Variants in OR51M1 observed in about 807,000 individuals in gnomAD.
OR51M1 encodes olfactory receptor 51M1.
For synonymous variants in OR51M1, 199 were observed against 155.1 expected, an observed-to-expected ratio of 1.28 and a Z score of -2.10; for missense variants, 509 against 404.4, an observed-to-expected ratio of 1.26 and a Z score of -2.22.
Position 5,389,575 on chromosome 11 carries a change from C to G in OR51M1, c.177C>G (p.Ile59Met). 6.2e-7 allele frequency: 1 copy of G among 1,613,838 alleles called. No homozygotes were observed. Among genetic ancestry groups the G allele is most frequent in the Middle Eastern group, 1.6e-4 (1 of 6,062 alleles). The part of the protein sequence containing the change: ...VAISGNCFIL[I>M]IIKTNPRLHT... ...TCTCAGGCAATTGTTTCATTCTGAT[C>G]ATTATTAAGACCAACCCTCGTCTGC... Residue 59 changes from isoleucine to methionine, a missense_variant, in exon 3 of 3, where the codon ATC (isoleucine) becomes ATG (methionine). By Grantham distance (10) the Ile-to-Met change is conservative. Transcript: ENST00000642046.
At chr11:5,388,658 G>C (rs1849740819) in intron 2 of OR51M1, among the ~76,000 whole-genome samples, 1 of 151,070 alleles carries the variant, frequency 6.6e-6, no homozygotes, top group Admixed American at 6.6e-5. Flanking sequence ...AAATAAGGTA[G>C]GGTCTTGAAT....
chr11:5,389,260 G>T, intron 2 of OR51M1, 124 bp from the exon 3 acceptor site: 1 of 828,116 alleles, frequency 1.2e-6, no homozygotes, highest in Non-Finnish European at 1.9e-6. Flanking sequence ...TAGTGAGATT[G>T]GCAGAATTCA....
rs1230291804 is a variant in OR51M1, at chr11:5,389,627, T to C, written c.229T>C (p.Leu77=). Residue 77 remains leucine (L), a synonymous_variant, in exon 3 of 3, where the codon TTG becomes CTG. Transcript: ENST00000642046. ...CACACCCATGTACTATCTACTATCC[T>C]TGCTGGCCCTCACTGACCTGGGGCT... ...LHTPMYYLLS[L]LALTDLGLCV... The C allele has an allele frequency of 3.1e-6, 5 of 1,613,636 alleles. No homozygotes were observed. The highest frequency in any genetic ancestry group is 4.2e-6 in the Non-Finnish European group (5 of 1,179,890).
At position 5,389,372 on chromosome 11, in the gene OR51M1, A is replaced by T. The variant is rs372112594; in HGVS notation, c.-15-12A>T. ...GAAGAATTAATAACCAGAAATATCCATTTATTTTCAGCTCAATCCCCGAGG... is the reference window on the plus strand; with the variant it reads ...GAAGAATTAATAACCAGAAATATCCTTTTATTTTCAGCTCAATCCCCGAGG... On this transcript the variant is annotated splice_polypyrimidine_tract_variant and intron_variant, in intron 2 of 2. Coordinates refer to ENST00000642046, the MANE Select transcript of OR51M1 (RefSeq NM_001004756.3). 1.2e-6 allele frequency: 2 copies of T among 1,600,442 alleles called. 1 individual carries two copies. The highest frequency in any genetic ancestry group is 1.7e-6 in the Non-Finnish European group (2 of 1,171,714).
At chr11:5,385,109 T>A (rs1242732400) in intron 1 of OR51M1, among the ~76,000 whole-genome samples, 2 of 152,206 alleles carry the variant, frequency 1.3e-5, no homozygotes, top group African/African-American at 4.8e-5. Flanking sequence ...TTTTCAGGAA[T>A]TTTCTCCTGT....
intron 2 of OR51M1, among the ~76,000 whole-genome samples, chr11:5,388,031 C>A (rs565228967): frequency 1.3e-5 from 2 of 151,932 alleles, no homozygotes; most frequent in African/African-American, 2.4e-5. Context: ...TTGCACCAAC[C>A]TAATAGAATT....
At position 5,389,731 on chromosome 11, in the gene OR51M1, C is replaced by A; in HGVS notation, c.333C>A (p.Ile111=). 6.2e-7 allele frequency: 1 copy of A among 1,613,934 alleles called. No individual in the cohort carries two copies. The highest frequency in any genetic ancestry group is 8.5e-7 in the Non-Finnish European group (1 of 1,179,898). Reference sequence around the variant, plus strand: ...GTATCTACTTTGGAGCGTGTCAAATCCAGATGTTCTGCATCCACTCTTTTT... The same window carrying A: ...GTATCTACTTTGGAGCGTGTCAAATACAGATGTTCTGCATCCACTCTTTTT... ...SHSIYFGACQ[I]QMFCIHSFSF... is the part of the protein sequence containing the mutation. The change falls in exon 3 of 3, where the codon ATC becomes ATA. Residue 111 remains isoleucine (I), a synonymous_variant. Transcript: ENST00000642046.
chr11:5,389,657 G>GCCCACCACTATGGGGT lies in OR51M1; in HGVS notation c.259_260insCCCACCACTATGGGGT (p.Val87AlafsTer19). On this transcript the variant is annotated frameshift_variant, in exon 3 of 3. Transcript: ENST00000642046. LOFTEE classifies it low-confidence loss of function (END_TRUNC). ...GGCCCTCACTGACCTGGGGCTGTGT[G>GCCCACCACTATGGGGT]TGTCCACGTTGCCCACCACTATGGG... 6.2e-7 allele frequency: 1 copy of GCCCACCACTATGGGGT among 1,613,636 alleles called. No individual in the cohort carries two copies. The highest frequency in any genetic ancestry group is 8.5e-7 in the Non-Finnish European group (1 of 1,179,906).
In OR51M1 at chr11:5,390,999, T is replaced by C. The variant is rs1849786657; in HGVS notation, c.*620T>C. The C allele has an allele frequency of 6.6e-6, 1 of 152,326 alleles. No homozygotes were observed. Among genetic ancestry groups the C allele is most frequent in the African/African-American group, 2.4e-5 (1 of 41,466 alleles). 9.4% of individuals were successfully genotyped at this position (152,326 alleles called of 1,614,324 possible). A position where few individuals can be genotyped will look rare whatever the true frequency, so the allele number is the denominator to read the frequency against. ...CCTCTAGAAGAAGAGACTTTGATCC[T>C]ATCCTTGACTCCTCTCATCTCTGAT... On this transcript the variant is annotated 3_prime_UTR_variant, in exon 3 of 3. Transcript: ENST00000642046.
At position 5,389,484 on chromosome 11, in the gene OR51M1, T is replaced by G. The variant is rs1849755669; in HGVS notation, c.86T>G (p.Phe29Cys). Residue 29 changes from phenylalanine (F) to cysteine (C), a missense_variant, in exon 3 of 3, where the codon TTT becomes TGT. By Grantham distance (205) the Phe-to-Cys change is radical. Transcript: ENST00000642046. ...AGCCCCATATTCTATCTCACCAGCT[T>G]TCCTGGATTGGAAGGCATCAAACAC... ...QFSPIFYLTSFPGLEGIKHWI... is the reference protein window; with the variant it reads ...QFSPIFYLTSCPGLEGIKHWI... 1 of 1,613,904 alleles carries G rather than the reference T, an allele frequency of 6.2e-7. No individual in the cohort carries two copies. Among genetic ancestry groups the G allele is most frequent in the Non-Finnish European group, 8.5e-7 (1 of 1,179,890 alleles).
Position 5,392,958 on chromosome 11 carries a change from A to G in OR51M1, c.*2579A>G, listed in dbSNP as rs1849819500. On this transcript the variant is annotated 3_prime_UTR_variant, in exon 3 of 3. Coordinates refer to ENST00000642046, the MANE Select transcript of OR51M1 (RefSeq NM_001004756.3). ...TAAATAAATATCTGTGCTGTTAAGT[A>G]TGTGGTAAAAGAGGTATTTTCACAT... 2 of 152,252 alleles carry G rather than the reference A, an allele frequency of 1.3e-5. No individual in the cohort carries two copies. Among genetic ancestry groups the G allele is most frequent in the African/African-American group, 2.4e-5 (1 of 41,466 alleles). 9.4% of individuals were successfully genotyped at this position (152,252 alleles called of 1,614,324 possible). A position where few individuals can be genotyped will look rare whatever the true frequency, so the allele number is the denominator to read the frequency against.
chr11:5,383,981 G>C (rs1244721370), intron 1 of OR51M1, 64 bp downstream of exon 1: 1 of 152,176 alleles, frequency 6.6e-6, no homozygotes, highest in Non-Finnish European at 1.5e-5. Context: ...ACATGGGAGA[G>C]AGGAGGGAGA....
At position 5,392,421 on chromosome 11, in the gene OR51M1, G is replaced by C. The variant is rs1360846099; in HGVS notation, c.*2042G>C. 1 of 152,164 alleles carries C rather than the reference G, an allele frequency of 6.6e-6. No individual in the cohort carries two copies. Among genetic ancestry groups the C allele is most frequent in the African/African-American group, 2.4e-5 (1 of 41,446 alleles). 9.4% of individuals were successfully genotyped at this position (152,164 alleles called of 1,614,324 possible). On this transcript the variant is annotated 3_prime_UTR_variant, in exon 3 of 3. Coordinates refer to ENST00000642046, the MANE Select transcript of OR51M1 (RefSeq NM_001004756.3). ...GTAGAATGGGGTACAAAAAATTTAGGATTTGGATTTAGATTAGCACTGAAG... is the reference window on the plus strand; with the variant it reads ...GTAGAATGGGGTACAAAAAATTTAGCATTTGGATTTAGATTAGCACTGAAG...
At chr11:5,388,350 G>C (rs2133726487) in intron 2 of OR51M1, among the ~76,000 whole-genome samples, 1 of 151,666 alleles carries the variant, frequency 6.6e-6, no homozygotes, top group South Asian at 2.1e-4. Context: ...AGTGCATAGT[G>C]AACTACAGGA....
chr11:5,392,485 T>C lies in OR51M1; in HGVS notation c.*2106T>C, dbSNP rs1442264824. ...CTTATTAACAAATAGACCACTGACATCTAAATTTCATTTTCAAATTAGGAA... is the reference window on the plus strand; with the variant it reads ...CTTATTAACAAATAGACCACTGACACCTAAATTTCATTTTCAAATTAGGAA... On this transcript the variant is annotated 3_prime_UTR_variant, in exon 3 of 3. Coordinates refer to ENST00000642046, the MANE Select transcript of OR51M1 (RefSeq NM_001004756.3). The C allele has an allele frequency of 6.6e-6, 1 of 152,232 alleles. No homozygotes were observed. Among genetic ancestry groups the C allele is most frequent in the Non-Finnish European group, 1.5e-5 (1 of 68,024 alleles). The allele number at this position is 152,232 out of a possible 1,614,324, so 9.4% of individuals were successfully genotyped here. A position where few individuals can be genotyped will look rare whatever the true frequency, so the allele number is the denominator to read the frequency against.
intron 2 of OR51M1, among the ~76,000 whole-genome samples, chr11:5,387,915 T>G (rs1287819700): frequency 6.6e-6 from 1 of 152,212 alleles, no homozygotes; most frequent in Non-Finnish European, 1.5e-5. Flanking sequence ...TGTATGTGTT[T>G]ATTTTTGTCT....
chr11:5,387,346 G>A (rs1849711000), intron 2 of OR51M1, among the ~76,000 whole-genome samples: 1 of 152,106 alleles, frequency 6.6e-6, no homozygotes, highest in South Asian at 2.1e-4. Context: ...GAAGTCACTG[G>A]TGAATTTAAG....
At chr11:5,384,379 A>AT (rs1264356304) in intron 1 of OR51M1, among the ~76,000 whole-genome samples, 184 of 152,342 alleles carry the variant, frequency 1.2e-3, no homozygotes, top group African/African-American at 4.2e-3. Context: ...AAGTCTTAGA[A>AT]ACCAGGGTTC....
chr11:5,389,843 ACTGG>A lies in OR51M1; in HGVS notation c.447_450del (p.Gly150SerfsTer8), dbSNP rs1849765347. The A allele has an allele frequency of 1.2e-6, 2 of 1,613,800 alleles. No individual in the cohort carries two copies. The highest frequency in any genetic ancestry group is 1.6e-4 in the Middle Eastern group (1 of 6,062). On this transcript the variant is annotated frameshift_variant, in exon 3 of 3. Coordinates refer to ENST00000642046, the MANE Select transcript of OR51M1 (RefSeq NM_001004756.3). LOFTEE classifies it low-confidence loss of function (END_TRUNC). ...CCCTCTGAGGTATTCGGTCATTATC[ACTGG>A]CCAGCAAGTGGTCAGAGCAGGCCTA...
Sources: gnomAD v4.1 joint callset for allele counts (sites outside exome capture counted in the v4.1 genomes callset) on GRCh38, gnomAD v4.1.1 for gene constraint, MANE v1.5 for transcripts, NCBI Gene and HGNC (gene_info 2026-07-23, HGNC 2026-07-21) for gene names.